IQCN: variants seen among roughly 807,000 people sequenced by gnomAD.
The protein encoded by IQCN is IQ domain-containing protein N.
A neutral mutation model predicts 64.4 loss-of-function variants in IQCN; 46 were observed. That is an observed-to-expected ratio of 0.71 (90% CI 0.56 to 0.91). The LOEUF is 0.91. Ranked by LOEUF, IQCN falls within the 40% of genes least tolerant of loss-of-function variation. The pLI is 0.00. For missense variants in IQCN, 1,753 were observed against 1,857.4 expected, an observed-to-expected ratio of 0.94 and a Z score of 1.03; for synonymous variants, 733 against 775.6, an observed-to-expected ratio of 0.95 and a Z score of 0.91.
chr19:18,264,265 CCCA>C lies in IQCN; in HGVS notation c.3177+95_3177+97del. ...GTGACCACAGATAAGCAGGGTGACCCCCACAAGATGGCCCCATCAATCCCCCAT... is the reference window on the plus strand; with the variant it reads ...GTGACCACAGATAAGCAGGGTGACCCCAAGATGGCCCCATCAATCCCCCAT... On this transcript the variant is annotated intron_variant, in intron 3 of 3. Transcript: ENST00000392413. This position sits in a 1 kb window ranked among gnomAD's most constrained non-coding sequence, Gnocchi z 4.3. The C allele has an allele frequency of 2.8e-6, 3 of 1,067,580 alleles. No individual in the cohort carries two copies. The highest frequency in any genetic ancestry group is 3.9e-6 in the Non-Finnish European group (3 of 765,370). The allele number at this position is 1,067,580 out of a possible 1,614,324, so 66.1% of individuals were successfully genotyped here.
Position 18,264,752 on chromosome 19 carries a change from G to C in IQCN, c.2788C>G (p.Gln930Glu), listed in dbSNP as rs770620637. 6.4e-6 allele frequency: 10 copies of C among 1,551,242 alleles called. No individual in the cohort carries two copies. Among genetic ancestry groups the C allele is most frequent in the South Asian group, 2.4e-5 (2 of 84,108 alleles). ...LGATVTKALPQSMLSMALVKA... is the reference protein window; with the variant it reads ...LGATVTKALPESMLSMALVKA... ...ACCAGCGCCATGCTCAGCATGCTCT[G>C]GGGCAGGGCTTTGGTGACAGTGGCA... The change falls in exon 3 of 4, where the codon CAG becomes GAG. Residue 930 changes from glutamine to glutamate, a missense_variant. Transcript: ENST00000392413. The surrounding 1 kb of genome is among the most constrained non-coding windows in gnomAD (Gnocchi z 4.3).
intron 3 of IQCN, 60 bp from the exon 4 acceptor site, chr19:18,258,166 A>G (rs2148090932): frequency 6.4e-7 from 1 of 1,568,862 alleles, no homozygotes; most frequent in East Asian, 2.2e-5. Context: ...TGGGGGCTAT[A>G]GGAGTCCTGC....
rs770620637 is a variant in IQCN at position 18,264,752 on chromosome 19, G to A, written c.2788C>T (p.Gln930Ter). The A allele has an allele frequency of 2.4e-5, 38 of 1,551,124 alleles. 1 individual carries two copies. In the Admixed American group the frequency reaches 6.1e-4, roughly 25 times the overall value. The change falls in exon 3 of 4, where the codon CAG becomes TAG. Residue 930 changes from glutamine (Q) to a stop codon, truncating the protein, a stop_gained. Transcript: ENST00000392413. LOFTEE classifies it high-confidence loss of function. This position sits in a 1 kb window ranked among gnomAD's most constrained non-coding sequence, Gnocchi z 4.3. The part of the protein sequence containing the change: ...LGATVTKALP[Q>*]SMLSMALVKA... Reference sequence around the variant, plus strand: ...ACCAGCGCCATGCTCAGCATGCTCTGGGGCAGGGCTTTGGTGACAGTGGCA... The same window carrying A: ...ACCAGCGCCATGCTCAGCATGCTCTAGGGCAGGGCTTTGGTGACAGTGGCA...
At chr19:18,258,185 C>T (rs578175054) in intron 3 of IQCN, 79 bp from the exon 4 acceptor site, 23 of 1,478,458 alleles carry the variant, frequency 1.6e-5, no homozygotes, top group African/African-American at 4.1e-5. Flanking sequence ...GCCGTCTCCA[C>T]GGTGACTCCT....
Position 18,265,178 on chromosome 19 carries a change from G to C in IQCN, c.2362C>G (p.Leu788Val). Residue 788 changes from leucine to valine, a missense_variant, in exon 3 of 4, where the codon CTC (leucine) becomes GTC (valine). By Grantham distance (32) the Leu-to-Val change is conservative. Coordinates refer to ENST00000392413, the MANE Select transcript of IQCN (RefSeq NM_001145304.2). This position sits in a 1 kb window ranked among gnomAD's most constrained non-coding sequence, Gnocchi z 4.7. ...CAGGGTGGGGCGCTGAGGCCACCGA[G>C]GCGCTGGCAGGCGTGGTTGGACACC... ...SKVSNHACQR[L>V]GGLSAPPWAK... The C allele has an allele frequency of 6.2e-7, 1 of 1,609,744 alleles. No homozygotes were observed. Among genetic ancestry groups the C allele is most frequent in the Non-Finnish European group, 8.5e-7 (1 of 1,179,956 alleles).
At chr19:18,273,011 T>C (rs1325074870) in intron 1 of IQCN, among the ~76,000 whole-genome samples, 2 of 152,142 alleles carry the variant, frequency 1.3e-5, no homozygotes, top group South Asian at 2.1e-4. Context: ...GCATGGATAA[T>C]TGACACACAT....
intron 2 of IQCN, chr19:18,267,777 T>C: frequency 2.7e-6 from 1 of 376,374 alleles, no homozygotes; most frequent in East Asian, 3.9e-5. Context: ...CTTACCTGCT[T>C]TTCTTTTTTC....
Position 18,266,511 on chromosome 19 carries a change from A to T in IQCN, c.1029T>A (p.Tyr343Ter), listed in dbSNP as rs769141287. 1.9e-6 allele frequency: 3 copies of T among 1,606,704 alleles called. No homozygotes were observed. The highest frequency in any genetic ancestry group is 1.7e-5 in the Admixed American group (1 of 59,260). ...GTGGCAGGGTCACGGAGACCACTGGATATGTCTGGAGTAGAGTCTTGGTGA... is the reference window on the plus strand; with the variant it reads ...GTGGCAGGGTCACGGAGACCACTGGTTATGTCTGGAGTAGAGTCTTGGTGA... ...PMITKTLLQT[Y>*]PVVSVTLPQT... Residue 343 changes from tyrosine to a stop codon, truncating the protein, a stop_gained, in exon 3 of 4, where the codon TAT becomes TAA. Coordinates refer to ENST00000392413, the MANE Select transcript of IQCN (RefSeq NM_001145304.2). LOFTEE classifies it high-confidence loss of function. The surrounding 1 kb of genome is among the most constrained non-coding windows in gnomAD (Gnocchi z 4.3).
At position 18,260,905 on chromosome 19, in the gene IQCN, T is replaced by C. The variant is rs574609367; in HGVS notation, c.3178-2799A>G. On this transcript the variant is annotated intron_variant, in intron 3 of 3. Coordinates refer to ENST00000392413, the MANE Select transcript of IQCN (RefSeq NM_001145304.2). ...GTGGCTTGAGACGGCTGGGCTAGGC[T>C]TGGGGATACACCACAGGCCATAGGT... The C allele has an allele frequency of 5.9e-5, 9 of 152,750 alleles. No homozygotes were observed. The South Asian group carries it at 1.9e-3, about 32-fold the overall frequency. 9.5% of individuals were successfully genotyped at this position (152,750 alleles called of 1,614,324 possible).
chr19:18,257,413 C>A lies in IQCN; in HGVS notation c.3871G>T (p.Ala1291Ser), dbSNP rs1468422669. 2.5e-6 allele frequency: 4 copies of A among 1,610,272 alleles called. No individual in the cohort carries two copies. Among genetic ancestry groups the A allele is most frequent in the Non-Finnish European group, 3.4e-6 (4 of 1,179,388 alleles). The change falls in exon 4 of 4, where the codon GCC becomes TCC. Residue 1291 changes from alanine (A) to serine (S), a missense_variant. Coordinates refer to ENST00000392413, the MANE Select transcript of IQCN (RefSeq NM_001145304.2). Reference protein sequence around the residue: ...VSWASAYQLAALSPRQPHRQD... With the variant: ...VSWASAYQLASLSPRQPHRQD... ...CGATGCGGCTGCCTGGGACTCAGGG[C>A]AGCCAGCTGGTAGGCGGAGGCCCAA...
chr19:18,267,289 G>A lies in IQCN; in HGVS notation c.251C>T (p.Ala84Val), dbSNP rs1300747380. The change falls in exon 3 of 4, where the codon GCT (alanine) becomes GTT (valine). Residue 84 changes from alanine (A) to valine (V), a missense_variant. Transcript: ENST00000392413. Reference protein sequence around the residue: ...TASRRVPRLRAVVESQAFKNI... With the variant: ...TASRRVPRLRVVVESQAFKNI... ...CTTGAAGGCCTGGCTCTCGACCACAGCCCGGAGGCGTGGGACGCGGCGGGA... is the reference window on the plus strand; with the variant it reads ...CTTGAAGGCCTGGCTCTCGACCACAACCCGGAGGCGTGGGACGCGGCGGGA... 1 of 1,614,262 alleles carries A rather than the reference G, an allele frequency of 6.2e-7. No individual in the cohort carries two copies.
chr19:18,267,327 T>C lies in IQCN; in HGVS notation c.213A>G (p.Glu71=). The change falls in exon 3 of 4, where the codon GAA becomes GAG. Residue 71 remains glutamate, a synonymous_variant. Transcript: ENST00000392413. ...GGACGCGGCGGGACGCCGTCTTGCC[T>C]TCGGCAGGCTGTTGCGGAAGATGCT... ...SKEHLPQQPA[E]GKTASRRVPR... 6.2e-7 allele frequency: 1 copy of C among 1,614,164 alleles called. No individual in the cohort carries two copies. The highest frequency in any genetic ancestry group is 8.5e-7 in the Non-Finnish European group (1 of 1,180,022).
chr19:18,267,547 G>C (rs748090575), intron 2 of IQCN, 21 bp from the exon 3 acceptor site: 75 of 1,511,012 alleles, frequency 5.0e-5, no homozygotes, highest in Non-Finnish European at 6.4e-5. Context: ...GGCAGGGGGT[G>C]GTCAGGGTGT....
chr19:18,264,990 TC>T lies in IQCN; in HGVS notation c.2549del (p.Gly850GlufsTer24). The T allele has an allele frequency of 6.2e-7, 1 of 1,606,322 alleles. No individual in the cohort carries two copies. On this transcript the variant is annotated frameshift_variant, in exon 3 of 4. Coordinates refer to ENST00000392413, the MANE Select transcript of IQCN (RefSeq NM_001145304.2). LOFTEE classifies it high-confidence loss of function. The surrounding 1 kb of genome is among the most constrained non-coding windows in gnomAD (Gnocchi z 4.3). ...GHSTCNVESW[G>X]DNGATRAQPS... ...GCTGGGCACGTGTGGCTCCGTTGTC[TC>T]CCCAGGACTCAACGTTGCATGTGGA...
Position 18,264,405 on chromosome 19 carries a change from T to A in IQCN, c.3135A>T (p.Ala1045=). 1.3e-6 allele frequency: 2 copies of A among 1,531,174 alleles called. No homozygotes were observed. Among genetic ancestry groups the A allele is most frequent in the Non-Finnish European group, 1.8e-6 (2 of 1,136,298 alleles). 94.8% of individuals were successfully genotyped at this position (1,531,174 alleles called of 1,614,324 possible). ...KVACRRSPSA[A]WGPSLGPVRP... is the part of the protein sequence containing the mutation. ...TCACGGGGCCCAGGGAGGGCCCCCA[T>A]GCGGCCGATGGACTCCTCCTGCAGG... Residue 1045 remains alanine (A), a synonymous_variant, in exon 3 of 4, where the codon GCA becomes GCT. Transcript: ENST00000392413. This position sits in a 1 kb window ranked among gnomAD's most constrained non-coding sequence, Gnocchi z 4.3.
chr19:18,264,438 C>T lies in IQCN; in HGVS notation c.3102G>A (p.Val1034=), dbSNP rs1273724811. The T allele has an allele frequency of 6.5e-7, 1 of 1,549,822 alleles. No homozygotes were observed. The highest frequency in any genetic ancestry group is 2.0e-5 in the Admixed American group (1 of 50,924). Residue 1034 remains valine, a synonymous_variant, in exon 3 of 4, where the codon GTG becomes GTA. Transcript: ENST00000392413. This position sits in a 1 kb window ranked among gnomAD's most constrained non-coding sequence, Gnocchi z 4.3. The stretch of plus-strand genomic sequence containing the variant: ...ATGGACTCCTCCTGCAGGCCACCTT[C>T]ACCAGGGCCGGCGTCTTAGTCACCC... ...GSGVTKTPAL[V]KVACRRSPSA... is the part of the protein sequence containing the mutation.
rs1402482368 is a variant in IQCN, at chr19:18,266,581, G to A, written c.959C>T (p.Ala320Val). ...SRAQTQGPVK[A>V]ETPKAPFQIC... ...CTGGAAGGGGGCTTTGGGGGTCTCT[G>A]CTTTCACAGGGCCCTGGGTTTGGGC... Residue 320 changes from alanine to valine, a missense_variant, in exon 3 of 4, where the codon GCA becomes GTA. Ala to Val is a moderately conservative substitution (Grantham distance 64). Coordinates refer to ENST00000392413, the MANE Select transcript of IQCN (RefSeq NM_001145304.2). This position sits in a 1 kb window ranked among gnomAD's most constrained non-coding sequence, Gnocchi z 4.3. 1 of 1,613,558 alleles carries A rather than the reference G, an allele frequency of 6.2e-7. No individual in the cohort carries two copies. The highest frequency in any genetic ancestry group is 8.5e-7 in the Non-Finnish European group (1 of 1,179,692).
rs1375925165 is a variant in IQCN, at chr19:18,264,723, C to A, written c.2817G>T (p.Lys939Asn). The A allele has an allele frequency of 6.4e-7, 1 of 1,551,142 alleles. No individual in the cohort carries two copies. Among genetic ancestry groups the A allele is most frequent in the South Asian group, 1.2e-5 (1 of 84,074 alleles). The change falls in exon 3 of 4, where the codon AAG becomes AAT. Residue 939 changes from lysine (K) to asparagine (N), a missense_variant. Physicochemically the swap from Lys to Asn is moderately conservative, Grantham distance 94. Transcript: ENST00000392413. The surrounding 1 kb of genome is among the most constrained non-coding windows in gnomAD (Gnocchi z 4.3). ...PQSMLSMALV[K>N]ALSWSELRLT... ...GGCGCAGCTCACTCCAGGACAGCGC[C>A]TTCACCAGCGCCATGCTCAGCATGC... is the stretch of plus-strand genomic sequence containing the variant.
intron 1 of IQCN, among the ~76,000 whole-genome samples, chr19:18,271,751 G>A (rs1175607824): frequency 6.6e-6 from 1 of 152,090 alleles, no homozygotes; most frequent in East Asian, 1.9e-4. Flanking sequence ...TGCTGGGGCA[G>A]GAGGCCTTCA....
Sources: allele counts gnomAD v4.1 joint callset (sites outside exome capture counted in the v4.1 genomes callset), GRCh38; gene constraint gnomAD v4.1.1; non-coding constraint Gnocchi (gnomAD v3.1); transcripts MANE v1.5; gene names NCBI Gene and HGNC (gene_info 2026-07-23, HGNC 2026-07-21).